PTPRU: variants seen among roughly 807,000 people sequenced by gnomAD.
The protein encoded by PTPRU is protein tyrosine phosphatase receptor type U.
PTPRU carries 69 observed loss-of-function variants against 166.3 expected under a neutral mutation model. The observed-to-expected ratio is 0.41, with a 90% CI of 0.34 to 0.51. PTPRU has a LOEUF of 0.51. PTPRU is among the 20% of genes least tolerant of loss of function. PTPRU has a pLI of 0.09. For missense variants in PTPRU, 1,657 were observed against 2,013.7 expected (o/e 0.82, Z 3.39); for synonymous variants, 793 against 814.0 (o/e 0.97, Z 0.44).
chr1:29,294,939 T>A (rs1357409290), intron 15 of PTPRU, among the ~76,000 whole-genome samples: 1 of 152,210 alleles, frequency 6.6e-6, no homozygotes, highest in Non-Finnish European at 1.5e-5. Flanking sequence ...AACCACACGG[T>A]CTAATTATCG....
At chr1:29,245,684 CCTGCCATGT>C (rs1364524677) in intron 1 of PTPRU, among the ~76,000 whole-genome samples, 1 of 133,790 alleles carries the variant, frequency 7.5e-6, no homozygotes, top group African/African-American at 3.1e-5. Context: ...CTGCCATGGT[CCTGCCATGT>C]GTGTGTCTTT....
At chr1:29,304,150 C>T (rs186128137) in intron 16 of PTPRU, 105 bp downstream of exon 16, 534 of 1,305,640 alleles carry the variant, frequency 4.1e-4, no homozygotes, top group Non-Finnish European at 5.0e-4. Context: ...CCTGGTTGGA[C>T]GCCTGCTCTG....
chr1:29,239,347 C>T (rs1175776403), intron 1 of PTPRU, among the ~76,000 whole-genome samples: 1 of 152,168 alleles, frequency 6.6e-6, no homozygotes, highest in Admixed American at 6.5e-5. Context: ...CTATTTTGTC[C>T]TTTTGGTCGC....
At position 29,291,891 on chromosome 1, in the gene PTPRU, GCCA is replaced by G; in HGVS notation, c.2344_2346del (p.Thr782del). 1.9e-6 allele frequency: 3 copies of G among 1,614,018 alleles called. No homozygotes were observed. The highest frequency in any genetic ancestry group is 2.5e-6 in the Non-Finnish European group (3 of 1,179,974). Reference sequence around the variant, plus strand: ...CAGGAAGCCGGTGAACATGACCAAGGCCACCGTCAACTACCGCCAGGAGAAGAC... The same window carrying G: ...CAGGAAGCCGGTGAACATGACCAAGGCCGTCAACTACCGCCAGGAGAAGAC... On this transcript the variant is annotated inframe_deletion, in exon 15 of 30. Coordinates refer to ENST00000373779, the MANE Select transcript of PTPRU (RefSeq NM_133178.4). The surrounding 1 kb of genome is among the most constrained non-coding windows in gnomAD (Gnocchi z 4.1).
chr1:29,317,323 G>A lies in PTPRU; in HGVS notation c.3514-425G>A, dbSNP rs1687943231. 6.6e-6 allele frequency among the ~76,000 whole-genome samples: 1 copy of A among 152,114 alleles called. No homozygotes were observed. The highest frequency in any genetic ancestry group is 6.5e-5 in the Admixed American group (1 of 15,274). ...TGGAGTCCGCTTCTTGGAGGGTGTG[G>A]GGTTTCAGGGGTTGCCTCAGTGAAG... On this transcript the variant is annotated intron_variant, in intron 24 of 29. Transcript: ENST00000373779. This position sits in a 1 kb window ranked among gnomAD's most constrained non-coding sequence, Gnocchi z 5.6.
Position 29,257,204 on chromosome 1 carries a change from C to T in PTPRU, c.206-1301C>T, listed in dbSNP as rs377212040. On this transcript the variant is annotated intron_variant, in intron 2 of 29. Transcript: ENST00000373779. The surrounding 1 kb of genome is among the most constrained non-coding windows in gnomAD (Gnocchi z 4.6). Reference sequence around the variant, plus strand: ...AGGGAGAAAGATGCACACAGCTGCTCGCAGGGAGAGGAGAGAGAAGTAGCA... The same window carrying T: ...AGGGAGAAAGATGCACACAGCTGCTTGCAGGGAGAGGAGAGAGAAGTAGCA... 1.2e-4 allele frequency among the ~76,000 whole-genome samples: 16 copies of T among 132,114 alleles called. 1 individual carries two copies. In the East Asian group the frequency reaches 2.2e-3, roughly 18 times the overall value. The allele number at this position is 132,114 out of a possible 152,430, so 86.7% of individuals were successfully genotyped here.
intron 18 of PTPRU, among the ~76,000 whole-genome samples, chr1:29,309,421 T>C (rs1687548320): frequency 6.6e-6 from 1 of 152,156 alleles, no homozygotes; most frequent in South Asian, 2.1e-4. Context: ...CCAGGTCCAT[T>C]CAACTCCAAG....
At position 29,323,673 on chromosome 1, in the gene PTPRU, C is replaced by T. The variant is rs757354588; in HGVS notation, c.3997C>T (p.Arg1333Cys). The T allele has an allele frequency of 2.0e-5, 33 of 1,613,978 alleles. 1 individual carries two copies. In the South Asian group the frequency reaches 2.2e-4, roughly 11 times the overall value. ...HLLVRHFQFL[R>C]WSAYRDTPDS... ...GCTGGTGCGGCACTTCCAGTTCCTG[C>T]GCTGGTCTGCATACCGGGACACACC... is the stretch of plus-strand genomic sequence containing the variant. Residue 1333 changes from arginine to cysteine, a missense_variant, in exon 28 of 30, where the codon CGC (arginine) becomes TGC (cysteine). This residue lies in a region of PTPRU where 1,190 missense variants were observed against 1,477.4 expected (regional missense o/e 0.81). Transcript: ENST00000373779.
At chr1:29,312,830 G>A (rs1687729177) in intron 22 of PTPRU, 124 bp downstream of exon 22, 1 of 1,272,114 alleles carries the variant, frequency 7.9e-7, no homozygotes, top group Non-Finnish European at 1.0e-6. Flanking sequence ...TAGAGATGGA[G>A]TGCAGGAGGG....
At chr1:29,273,309 C>T (rs931533305) in intron 7 of PTPRU, among the ~76,000 whole-genome samples, 6 of 152,148 alleles carry the variant, frequency 3.9e-5, no homozygotes, top group African/African-American at 1.2e-4. Flanking sequence ...CACTGTGTCG[C>T]CCAGGCTGGA....
rs1687645099 is a variant in PTPRU, at chr1:29,311,308, G to A, written c.2858-148G>A. Reference sequence around the variant, plus strand: ...AGGGCCCTACAGGCATGCGTCAGCTGCAAGCTGGGTGTTGTGGGCAGCATG... The same window carrying A: ...AGGGCCCTACAGGCATGCGTCAGCTACAAGCTGGGTGTTGTGGGCAGCATG... On this transcript the variant is annotated intron_variant, in intron 19 of 29. Transcript: ENST00000373779. This position sits in a 1 kb window ranked among gnomAD's most constrained non-coding sequence, Gnocchi z 4.1. The A allele has an allele frequency of 7.0e-6, 5 of 713,230 alleles. No individual in the cohort carries two copies. In the Admixed American group the frequency reaches 1.0e-4, roughly 15 times the overall value. 44.2% of individuals were successfully genotyped at this position (713,230 alleles called of 1,614,324 possible).
At position 29,236,524 on chromosome 1, in the gene PTPRU, T is replaced by TC; in HGVS notation, c.-118dup. On this transcript the variant is annotated 5_prime_UTR_variant, in exon 1 of 30. Coordinates refer to ENST00000373779, the MANE Select transcript of PTPRU (RefSeq NM_133178.4). This position sits in a 1 kb window ranked among gnomAD's most constrained non-coding sequence, Gnocchi z 4.6. ...GCTCGCGCTCTGGACTCGGCGCCAG[T>TC]CCCGCTCCGCGCCGCGCCGCTCCGC... 2 of 755,808 alleles carry TC rather than the reference T, an allele frequency of 2.6e-6. No homozygotes were observed. The highest frequency in any genetic ancestry group is 3.4e-6 in the Non-Finnish European group (2 of 594,080). 46.8% of individuals were successfully genotyped at this position (755,808 alleles called of 1,614,324 possible).
In PTPRU at chr1:29,259,951, G is replaced by A; in HGVS notation, c.757G>A (p.Ala253Thr). The A allele has an allele frequency of 6.5e-7, 1 of 1,540,322 alleles. No homozygotes were observed. Among genetic ancestry groups the A allele is most frequent in the Admixed American group, 1.9e-5 (1 of 51,620 alleles). Residue 253 changes from alanine (A) to threonine (T), a missense_variant, in exon 6 of 30, where the codon GCC becomes ACC. Physicochemically the swap from Ala to Thr is moderately conservative, Grantham distance 58. This residue lies in a region of PTPRU where 453 missense variants were observed against 496.9 expected (regional missense o/e 0.91). Transcript: ENST00000373779. The stretch of plus-strand genomic sequence containing the variant: ...CTTCCTGGCCACTTTCCCGCTGGCT[G>A]CCGTGAGCCGCGCCGAGCAGGACCT... The part of the protein sequence containing the change: ...RRFLATFPLA[A>T]VSRAEQDLYR...
rs1406124481 is a variant in PTPRU, at chr1:29,237,041, T to A, written c.73+324T>A. ...TGTTTGTGTGGCCAAGTGGGTTGTGTGTGCATCTGAGTTTGGTTGTGTTGC... is the reference window on the plus strand; with the variant it reads ...TGTTTGTGTGGCCAAGTGGGTTGTGAGTGCATCTGAGTTTGGTTGTGTTGC... On this transcript the variant is annotated intron_variant, in intron 1 of 29. Transcript: ENST00000373779. This position sits in a 1 kb window ranked among gnomAD's most constrained non-coding sequence, Gnocchi z 6.4. 3.9e-5 allele frequency among the ~76,000 whole-genome samples: 6 copies of A among 152,162 alleles called. No homozygotes were observed. The highest frequency in any genetic ancestry group is 1.4e-4 in the African/African-American group (6 of 41,450).
intron 1 of PTPRU, among the ~76,000 whole-genome samples, chr1:29,249,898 C>T (rs1033369375): frequency 6.6e-6 from 1 of 152,188 alleles, no homozygotes; most frequent in Non-Finnish European, 1.5e-5. Flanking sequence ...AAATGAGGCC[C>T]AGCTCCTCAC....
Position 29,260,243 on chromosome 1 carries a change from T to C in PTPRU, c.850+199T>C, listed in dbSNP as rs1574624280. 6 of 600,978 alleles carry C rather than the reference T, an allele frequency of 1.0e-5. No individual in the cohort carries two copies. The Admixed American group carries it at 1.3e-4, about 13-fold the overall frequency. The allele number at this position is 600,978 out of a possible 1,614,324, so 37.2% of individuals were successfully genotyped here. A position where few individuals can be genotyped will look rare whatever the true frequency, so the allele number is the denominator to read the frequency against. On this transcript the variant is annotated intron_variant, in intron 6 of 29. Coordinates refer to ENST00000373779, the MANE Select transcript of PTPRU (RefSeq NM_133178.4). The surrounding 1 kb of genome is among the most constrained non-coding windows in gnomAD (Gnocchi z 8.3). Reference sequence around the variant, plus strand: ...ATCTGATCTAGGGGTCGGGGCTGGCTTCGAGGGGGACGGACAGGGTCAAGG... The same window carrying C: ...ATCTGATCTAGGGGTCGGGGCTGGCCTCGAGGGGGACGGACAGGGTCAAGG...
At chr1:29,307,073 CT>C (rs1687424862) in intron 18 of PTPRU, 4 of 1,593,064 alleles carry the variant, frequency 2.5e-6, no homozygotes, top group Non-Finnish European at 3.4e-6. Flanking sequence ...CCATCTGCCC[CT>C]GGCCTAATAT....
At chr1:29,323,083 G>A (rs1289131439) in intron 26 of PTPRU, 8 of 367,022 alleles carry the variant, frequency 2.2e-5, no homozygotes, top group South Asian at 1.5e-4. Flanking sequence ...ACCGGTTAAG[G>A]TGTAGCTTTC....
In PTPRU at chr1:29,237,406, G is replaced by A. The variant is rs1220244174; in HGVS notation, c.73+689G>A. Among the ~76,000 whole-genome samples the A allele has an allele frequency of 1.3e-5, 2 of 152,156 alleles. No individual in the cohort carries two copies. Among genetic ancestry groups the A allele is most frequent in the African/African-American group, 2.4e-5 (1 of 41,442 alleles). On this transcript the variant is annotated intron_variant, in intron 1 of 29. Coordinates refer to ENST00000373779, the MANE Select transcript of PTPRU (RefSeq NM_133178.4). This position sits in a 1 kb window ranked among gnomAD's most constrained non-coding sequence, Gnocchi z 6.4. ...GTGCCGGGAATGCGTGTGTGGGAGC[G>A]AGTCTGGAACGGATGTGAGTGTGTG...
Sources: gnomAD v4.1 joint callset for allele counts (sites outside exome capture counted in the v4.1 genomes callset) on GRCh38, gnomAD v4.1.1 for gene constraint, gnomAD v4.1.1 regional missense constraint, Gnocchi (gnomAD v3.1) non-coding constraint, MANE v1.5 for transcripts, NCBI Gene and HGNC (gene_info 2026-07-23, HGNC 2026-07-21) for gene names.